The following ZNF653 variants were observed in gnomAD, a reference collection of about 807,000 sequenced individuals.
ZNF653 encodes the protein zinc finger protein 653, also known as 67 kDa zinc finger protein.
In ZNF653, 37 loss-of-function variants were observed where a neutral mutation model predicts 59.9. That is an observed-to-expected ratio of 0.62 (90% confidence interval 0.48 to 0.81). The LOEUF (loss-of-function observed/expected upper bound fraction) is 0.81. Ranked by LOEUF, ZNF653 falls within the 40% of genes least tolerant of loss-of-function variation. ZNF653 has a pLI of 0.00. For missense variants in ZNF653, 808 were observed against 881.1 expected, an observed-to-expected ratio of 0.92 and a Z score of 1.05; for synonymous variants, 435 against 371.8, an observed-to-expected ratio of 1.17 and a Z score of -1.96.
chr19:11,498,634 G>A (rs975567281), intron 1 of ZNF653, among the ~76,000 whole-genome samples: 12 of 152,014 alleles, frequency 7.9e-5, no homozygotes, highest in Non-Finnish European at 1.5e-4. Context: ...AGTAGAGACG[G>A]AGTTTCACCA....
chr19:11,504,253 T>C (rs569576109), intron 1 of ZNF653, among the ~76,000 whole-genome samples: 5 of 151,628 alleles, frequency 3.3e-5, no homozygotes, highest in Admixed American at 6.6e-5. Flanking sequence ...TACAAAAAAT[T>C]AGCCGGGCGT....
rs1971481908 is a variant in ZNF653 at position 11,487,546 on chromosome 19, G to A, written c.917C>T (p.Ala306Val). ...CACCATGCCTGGCATGGGGCAGCTGGCCACCACCTCACCCAGGGCCTCCTG... is the reference window on the plus strand; with the variant it reads ...CACCATGCCTGGCATGGGGCAGCTGACCACCACCTCACCCAGGGCCTCCTG... ...VPQEALGEVVASCPMPGMVPG... is the reference protein window; with the variant it reads ...VPQEALGEVVVSCPMPGMVPG... Residue 306 changes from alanine to valine, a missense_variant, in exon 4 of 9, where the codon GCC (alanine) becomes GTC (valine). Ala to Val is a moderately conservative substitution (Grantham distance 64). Coordinates refer to ENST00000293771, the MANE Select transcript of ZNF653 (RefSeq NM_138783.4). This position sits in a 1 kb window ranked among gnomAD's most constrained non-coding sequence, Gnocchi z 5.1. 1 of 1,613,788 alleles carries A rather than the reference G, an allele frequency of 6.2e-7. No individual in the cohort carries two copies. Among genetic ancestry groups the A allele is most frequent in the African/African-American group, 1.3e-5 (1 of 74,928 alleles).
At chr19:11,498,254 T>C in intron 2 of ZNF653, 42 bp downstream of exon 2, 1 of 1,613,308 alleles carries the variant, frequency 6.2e-7, no homozygotes, top group Non-Finnish European at 8.5e-7. Flanking sequence ...TTCCCACCGC[T>C]CCCAACTCTC....
intron 3 of ZNF653, among the ~76,000 whole-genome samples, chr19:11,494,374 T>TAA (rs1259811712): frequency 6.4e-4 from 92 of 143,916 alleles, no homozygotes; most frequent in African/African-American, 1.1e-3. Context: ...TAACATAACA[T>TAA]AACATAAAAC....
intron 3 of ZNF653, among the ~76,000 whole-genome samples, chr19:11,488,251 G>A (rs2871606): frequency 0.022 from 3,348 of 151,240 alleles, 128 homozygotes; most frequent in African/African-American, 0.077. Context: ...CCAGGTTCAT[G>A]CCATTCTCCC....
intron 1 of ZNF653, among the ~76,000 whole-genome samples, chr19:11,499,557 G>A (rs113786114): frequency 0.031 from 4,740 of 151,308 alleles, 114 homozygotes; most frequent in Admixed American, 0.067. Flanking sequence ...TTGAAGCCAG[G>A]GGTTCAAGAC....
Position 11,485,035 on chromosome 19 carries a change from CTG to C in ZNF653, c.1570+619_1570+620del, listed in dbSNP as rs952765557. Among the ~76,000 whole-genome samples, 207 of 151,498 alleles carry C rather than the reference CTG, an allele frequency of 1.4e-3. 1 individual carries two copies. Among genetic ancestry groups the C allele is most frequent in the African/African-American group, 4.8e-3 (200 of 41,324 alleles). ...CCAGCCCGGGCAACAGAGTGAGACTCTGTTGCAAAAAATAACCACACACACAT... is the reference window on the plus strand; with the variant it reads ...CCAGCCCGGGCAACAGAGTGAGACTCTTGCAAAAAATAACCACACACACAT... On this transcript the variant is annotated intron_variant, in intron 7 of 8. Transcript: ENST00000293771.
rs752712805 is a variant in ZNF653 at position 11,485,617 on chromosome 19, T to C, written c.1570+39A>G. ...CCAGGCTCCCAGGCCCATGTCCCTGTGTCCCCCGCTCATGCTGCCAGCTGG... is the reference window on the plus strand; with the variant it reads ...CCAGGCTCCCAGGCCCATGTCCCTGCGTCCCCCGCTCATGCTGCCAGCTGG... On this transcript the variant is annotated intron_variant, in intron 7 of 8. Coordinates refer to ENST00000293771, the MANE Select transcript of ZNF653 (RefSeq NM_138783.4). The C allele has an allele frequency of 8.4e-6, 13 of 1,546,482 alleles. No homozygotes were observed. The African/African-American group carries it at 1.4e-4, about 16-fold the overall frequency.
At chr19:11,505,209 G>A (rs1315958199) in intron 1 of ZNF653, 6 of 397,930 alleles carry the variant, frequency 1.5e-5, no homozygotes, top group Non-Finnish European at 2.7e-5. Context: ...CCAGTCCCAG[G>A]ATTGGGCCGC....
At chr19:11,492,612 G>A (rs1971540434) in intron 3 of ZNF653, among the ~76,000 whole-genome samples, 1 of 152,134 alleles carries the variant, frequency 6.6e-6, no homozygotes, top group African/African-American at 2.4e-5. Context: ...CCAAAGCACT[G>A]GGATTACAGG....
At chr19:11,485,534 A>T in intron 7 of ZNF653, 122 bp downstream of exon 7, 1 of 691,580 alleles carries the variant, frequency 1.4e-6, no homozygotes, top group South Asian at 1.7e-5. Context: ...GGAGGCTCCT[A>T]GGGGTGTAGT....
At chr19:11,485,861 T>A in intron 6 of ZNF653, 91 bp from the exon 7 acceptor site, 1 of 1,011,420 alleles carries the variant, frequency 9.9e-7, no homozygotes, top group Non-Finnish European at 1.6e-6. Flanking sequence ...GAAGGCAGGC[T>A]GGGGCTGGCC....
intron 2 of ZNF653, 96 bp from the exon 3 acceptor site, chr19:11,496,261 G>GTT: frequency 8.0e-7 from 1 of 1,242,880 alleles, no homozygotes; most frequent in Non-Finnish European, 1.1e-6. Flanking sequence ...GGTCCCATGG[G>GTT]TTTGGAGGCC....
At chr19:11,502,711 G>A (rs966771170) in intron 1 of ZNF653, among the ~76,000 whole-genome samples, 1 of 152,076 alleles carries the variant, frequency 6.6e-6, no homozygotes, top group Non-Finnish European at 1.5e-5. Context: ...CCAGGCCCAG[G>A]CCCGGGTATG....
rs1215380054 is a variant in ZNF653 at position 11,483,568 on chromosome 19, G to T, written c.*114C>A. On this transcript the variant is annotated 3_prime_UTR_variant, in exon 9 of 9. Coordinates refer to ENST00000293771, the MANE Select transcript of ZNF653 (RefSeq NM_138783.4). ...GGCCCAGCTCTGGGGCGGGGCGGGGGCGCCTCCTTCCGGCCCGCGGTCCGG... is the reference window on the plus strand; with the variant it reads ...GGCCCAGCTCTGGGGCGGGGCGGGGTCGCCTCCTTCCGGCCCGCGGTCCGG... The T allele has an allele frequency of 1.4e-6, 2 of 1,418,266 alleles. No individual in the cohort carries two copies. Among genetic ancestry groups the T allele is most frequent in the South Asian group, 1.5e-5 (1 of 67,170 alleles). The allele number at this position is 1,418,266 out of a possible 1,614,324, so 87.9% of individuals were successfully genotyped here. A position where few individuals can be genotyped will look rare whatever the true frequency, so the allele number is the denominator to read the frequency against.
Position 11,487,142 on chromosome 19 carries a change from G to A in ZNF653, c.1188C>T (p.Cys396=), listed in dbSNP as rs747621823. 6.2e-7 allele frequency: 1 copy of A among 1,611,746 alleles called. No homozygotes were observed. The highest frequency in any genetic ancestry group is 1.1e-5 in the South Asian group (1 of 91,084). Reference sequence around the variant, plus strand: ...CCTCCTTCTCCTCCTTCTTTAGCAAGCACAGGTCCTCCTTCTCTACAGGGT... The same window carrying A: ...CCTCCTTCTCCTCCTTCTTTAGCAAACACAGGTCCTCCTTCTCTACAGGGT... The part of the protein sequence containing the change: ...IETKKEKEDL[C]LLKKEEKEEP... The change falls in exon 5 of 9, where the codon TGC becomes TGT. Residue 396 remains cysteine, a synonymous_variant. Transcript: ENST00000293771. This position sits in a 1 kb window ranked among gnomAD's most constrained non-coding sequence, Gnocchi z 5.1.
Sources: gnomAD v4.1 joint callset for allele counts (sites outside exome capture counted in the v4.1 genomes callset) on GRCh38, gnomAD v4.1.1 for gene constraint, Gnocchi (gnomAD v3.1) non-coding constraint, MANE v1.5 for transcripts, NCBI Gene and HGNC (gene_info 2026-07-23, HGNC 2026-07-21) for gene names.